Variants in PIAS2 observed in about 807,000 individuals in gnomAD.
PIAS2 encodes E3 SUMO-protein ligase PIAS2.
Under a neutral mutation model 69.7 loss-of-function variants are expected in PIAS2, and 19 were observed. The ratio of observed to expected loss-of-function variants is 0.27; its 90% CI spans 0.19 to 0.40. PIAS2 has a LOEUF of 0.40. Ranked by LOEUF, PIAS2 falls within the 10% of genes least tolerant of loss-of-function variation. PIAS2 has a pLI of 1.00. For synonymous variants in PIAS2, 261 were observed against 263.2 expected (o/e 0.99, Z 0.08); for missense variants, 624 against 757.0 (o/e 0.82, Z 2.06).
intron 1 of PIAS2, chr18:46,906,192 T>C (rs1049628515): frequency 6.6e-6 from 1 of 152,138 alleles, no homozygotes; most frequent in African/African-American, 2.4e-5. Flanking sequence ...GAAAAGATTA[T>C]CTATAATAAA....
At chr18:46,872,274 C>T (rs117774215) in intron 2 of PIAS2, among the ~76,000 whole-genome samples, 2 of 152,306 alleles carry the variant, frequency 1.3e-5, no homozygotes, top group Non-Finnish European at 2.9e-5. Context: ...TACCATATGA[C>T]CATCAATGGT....
chr18:46,863,556 T>C (rs911054356), intron 3 of PIAS2, among the ~76,000 whole-genome samples: 2 of 152,156 alleles, frequency 1.3e-5, no homozygotes, highest in Non-Finnish European at 2.9e-5. Context: ...CCTCCCAAAG[T>C]GCTAGGATTA....
chr18:46,890,928 G>A lies in PIAS2; in HGVS notation c.151C>T (p.Pro51Ser). Residue 51 changes from proline to serine, a missense_variant, in exon 2 of 14, where the codon CCT becomes TCT. This residue lies in a region of PIAS2 where 339 missense variants were observed against 408.8 expected (regional missense o/e 0.83). Coordinates refer to ENST00000585916, the MANE Select transcript of PIAS2 (RefSeq NM_004671.5). ...ALHLLKSGCS[P>S]AVQIKIRELY... ...TCTCGGATTTTAATCTGAACCGCAGGGCTGCAGCCGCTCTTCAATAAATGC... is the reference window on the plus strand; with the variant it reads ...TCTCGGATTTTAATCTGAACCGCAGAGCTGCAGCCGCTCTTCAATAAATGC... 1 of 1,614,114 alleles carries A rather than the reference G, an allele frequency of 6.2e-7. No homozygotes were observed. The highest frequency in any genetic ancestry group is 8.5e-7 in the Non-Finnish European group (1 of 1,180,006).
At chr18:46,864,495 G>A (rs1056314275) in intron 2 of PIAS2, among the ~76,000 whole-genome samples, 3 of 152,150 alleles carry the variant, frequency 2.0e-5, no homozygotes, top group East Asian at 3.9e-4. Context: ...TGCAGGCTGG[G>A]TGCAGTGGCT....
intron 2 of PIAS2, among the ~76,000 whole-genome samples, chr18:46,885,623 CTCATG>C (rs1203897295): frequency 2.0e-5 from 3 of 151,620 alleles, no homozygotes; most frequent in African/African-American, 7.3e-5. Flanking sequence ...CATTTTTGAC[CTCATG>C]TCTGTTTTTC....
At chr18:46,902,721 T>C (rs2056072928) in intron 1 of PIAS2, among the ~76,000 whole-genome samples, 1 of 152,194 alleles carries the variant, frequency 6.6e-6, no homozygotes, top group Non-Finnish European at 1.5e-5. Context: ...GAGATTATTC[T>C]AAAATGTATA....
At chr18:46,817,594 C>T (rs918898282) in intron 12 of PIAS2, 22 of 943,164 alleles carry the variant, frequency 2.3e-5, no homozygotes, top group Non-Finnish European at 2.5e-5. Context: ...ACCTCATCCA[C>T]GGAAAATTGA....
At chr18:46,864,339 C>T in intron 2 of PIAS2, 91 bp from the exon 3 acceptor site, 1 of 767,746 alleles carries the variant, frequency 1.3e-6, no homozygotes, top group Non-Finnish European at 2.1e-6. Flanking sequence ...TTATAAAGTA[C>T]CTGCCAAATT....
At chr18:46,856,008 T>G (rs55821814) in intron 3 of PIAS2, among the ~76,000 whole-genome samples, 15 of 119,704 alleles carry the variant, frequency 1.3e-4, no homozygotes, top group South Asian at 8.3e-4. Flanking sequence ...TTTTTTTTTT[T>G]TTTTTTTTTT....
At chr18:46,879,583 A>G (rs561871304) in intron 2 of PIAS2, among the ~76,000 whole-genome samples, 63 of 152,356 alleles carry the variant, frequency 4.1e-4, no homozygotes, top group African/African-American at 1.5e-3. Context: ...ATTAAAAAAC[A>G]GAATCTTGAA....
chr18:46,899,709 C>T (rs1017047770), intron 1 of PIAS2, among the ~76,000 whole-genome samples: 21 of 152,180 alleles, frequency 1.4e-4, no homozygotes, highest in African/African-American at 2.7e-4. Flanking sequence ...TCAAGTGATG[C>T]TCCTGCCTTG....
chr18:46,905,766 C>T (rs2056518727), intron 1 of PIAS2: 1 of 152,038 alleles, frequency 6.6e-6, no homozygotes, highest in Admixed American at 6.6e-5. Flanking sequence ...TATGAACAGT[C>T]CTACAACCAA....
chr18:46,915,522 T>C (rs1419168445), intron 1 of PIAS2: 1 of 150,598 alleles, frequency 6.6e-6, no homozygotes, highest in Non-Finnish European at 1.5e-5. Context: ...AGGGGCCATC[T>C]TCTAAAAATG....
chr18:46,879,073 T>A (rs1328621510), intron 2 of PIAS2, among the ~76,000 whole-genome samples: 1 of 152,208 alleles, frequency 6.6e-6, no homozygotes, highest in East Asian at 1.9e-4. Flanking sequence ...TACTCTGCAT[T>A]TTCTAAGATC....
chr18:46,846,955 C>G, intron 5 of PIAS2, 114 bp from the exon 6 acceptor site: 2 of 916,198 alleles, frequency 2.2e-6, no homozygotes. Context: ...TTTATTTTAG[C>G]CTAAAAATCA....
intron 2 of PIAS2, among the ~76,000 whole-genome samples, chr18:46,879,529 C>T (rs2051833838): frequency 6.6e-6 from 1 of 152,100 alleles, no homozygotes. Flanking sequence ...AATAGAATTA[C>T]CATACGATCC....
intron 13 of PIAS2, among the ~76,000 whole-genome samples, chr18:46,813,636 A>G (rs771426420): frequency 1.3e-5 from 2 of 152,226 alleles, no homozygotes; most frequent in Non-Finnish European, 2.9e-5. Flanking sequence ...ATTATGGAAC[A>G]GGAATTTAAG....
chr18:46,881,968 A>G (rs1012713034), intron 2 of PIAS2, among the ~76,000 whole-genome samples: 8 of 152,232 alleles, frequency 5.3e-5, no homozygotes, highest in African/African-American at 1.7e-4. Flanking sequence ...ATGGTGACAC[A>G]TGCCTGTAAT....
intron 5 of PIAS2, among the ~76,000 whole-genome samples, chr18:46,852,007 G>A (rs770702091): frequency 5.9e-5 from 9 of 152,116 alleles, no homozygotes; most frequent in Non-Finnish European, 1.0e-4. Context: ...TTCTTTTGTG[G>A]CTTGTTGATG....
Sources: allele counts gnomAD v4.1 joint callset (sites outside exome capture counted in the v4.1 genomes callset), GRCh38; gene constraint gnomAD v4.1.1; regional missense constraint gnomAD v4.1.1; transcripts MANE v1.5; gene names NCBI Gene and HGNC (gene_info 2026-07-23, HGNC 2026-07-21).